SGIP1: variants seen among roughly 807,000 people sequenced by gnomAD.
The protein encoded by SGIP1 is SH3GL interacting endocytic adaptor 1.
A neutral mutation model predicts 107.5 loss-of-function variants in SGIP1; 38 were observed. That is an observed-to-expected ratio of 0.35 (90% CI 0.27 to 0.46). The LOEUF is 0.46. Ranked by LOEUF, SGIP1 falls within the 20% of genes least tolerant of loss-of-function variation. The pLI, the probability that SGIP1 is intolerant of heterozygous loss-of-function variation, is 1.00. For missense variants in SGIP1, 929 were observed against 1,019.5 expected (o/e 0.91, Z 1.21); for synonymous variants, 365 against 366.1 (o/e 1.00, Z 0.03).
chr1:66,561,641 A>G (rs1045190049), intron 1 of SGIP1, among the ~76,000 whole-genome samples: 7 of 152,054 alleles, frequency 4.6e-5, no homozygotes, highest in African/African-American at 1.2e-4. Context: ...TTGCTAAAAC[A>G]TGGTGCTTCT....
At chr1:66,661,400 G>T (rs1253078934) in intron 8 of SGIP1, among the ~76,000 whole-genome samples, 1 of 152,136 alleles carries the variant, frequency 6.6e-6, no homozygotes, top group African/African-American at 2.4e-5. Context: ...ACCAAATCCT[G>T]GCAGCCACTG....
chr1:66,625,741 C>G (rs978588352), intron 1 of SGIP1, 106 bp from the exon 2 acceptor site: 2 of 933,496 alleles, frequency 2.1e-6, no homozygotes, highest in African/African-American at 3.3e-5. Flanking sequence ...TCAGAAACTT[C>G]ATTGCTTTCT....
chr1:66,740,027 G>A (rs1011801320), intron 22 of SGIP1, among the ~76,000 whole-genome samples: 3 of 152,228 alleles, frequency 2.0e-5, no homozygotes, highest in African/African-American at 7.2e-5. Flanking sequence ...AGCTGCAGGA[G>A]AATGGCCTCT....
intron 7 of SGIP1, among the ~76,000 whole-genome samples, chr1:66,645,896 A>G (rs538452714): frequency 6.6e-6 from 1 of 152,256 alleles, no homozygotes; most frequent in South Asian, 2.1e-4. Flanking sequence ...GCTGGAGTGC[A>G]ATGGTATGAT....
chr1:66,694,533 G>T, intron 17 of SGIP1: 1 of 1,533,986 alleles, frequency 6.5e-7, no homozygotes, highest in South Asian at 1.3e-5. Context: ...GATCTCTAGA[G>T]ACCTAGATTC....
intron 18 of SGIP1, among the ~76,000 whole-genome samples, chr1:66,711,381 G>A (rs1006045996): frequency 6.6e-6 from 1 of 152,088 alleles, no homozygotes; most frequent in Admixed American, 6.6e-5. Flanking sequence ...GGGTCACAGG[G>A]TAAGGGTAAA....
At chr1:66,686,664 C>T (rs866084920) in intron 15 of SGIP1, among the ~76,000 whole-genome samples, 6 of 152,154 alleles carry the variant, frequency 3.9e-5, no homozygotes, top group Admixed American at 1.3e-4. Flanking sequence ...TTTGGTCAAG[C>T]AGGGTTTTAA....
rs2094442259 is a variant in SGIP1 at position 66,741,415 on chromosome 1, A to G, written c.2443A>G (p.Ile815Val). The G allele has an allele frequency of 1.9e-6, 3 of 1,585,994 alleles. No homozygotes were observed. Among genetic ancestry groups the G allele is most frequent in the East Asian group, 4.6e-5 (2 of 43,928 alleles). Reference protein sequence around the residue: ...LVGAGYRFSLIKKRFAAGKYL... With the variant: ...LVGAGYRFSLVKKRFAAGKYL... ...TGGAGCAGGGTATCGATTTTCACTCATCAAGAAAAGGTTTGCTGCAGGTAA... is the reference window on the plus strand; with the variant it reads ...TGGAGCAGGGTATCGATTTTCACTCGTCAAGAAAAGGTTTGCTGCAGGTAA... The change falls in exon 24 of 25, where the codon ATC becomes GTC. Residue 815 changes from isoleucine (I) to valine (V), a missense_variant. By Grantham distance (29) the Ile-to-Val change is conservative. Around this residue, in one of 2 missense-constraint regions of SGIP1, gnomAD observed 341 missense variants for 430.9 expected, o/e 0.79. Transcript: ENST00000371037.
At chr1:66,599,574 T>C (rs2148995747) in intron 1 of SGIP1, among the ~76,000 whole-genome samples, 2 of 152,312 alleles carry the variant, frequency 1.3e-5, no homozygotes, top group Non-Finnish European at 2.9e-5. Flanking sequence ...CTCTTCTGAG[T>C]CTGAATGTAC....
chr1:66,644,555 T>C (rs1339144385), intron 7 of SGIP1, among the ~76,000 whole-genome samples: 2 of 121,136 alleles, frequency 1.7e-5, no homozygotes, highest in African/African-American at 6.9e-5. Flanking sequence ...GCATCTTCTT[T>C]AGAGAGATGT....
intron 18 of SGIP1, chr1:66,704,855 A>G (rs1222560045): frequency 6.6e-6 from 1 of 152,210 alleles, no homozygotes; most frequent in Non-Finnish European, 1.5e-5. Context: ...AATCAGCACC[A>G]CATATACTCC....
chr1:66,745,548 G>C lies in SGIP1; in HGVS notation c.*2453G>C, dbSNP rs377638514. 3.3e-5 allele frequency: 5 copies of C among 151,954 alleles called. No individual in the cohort carries two copies. The highest frequency in any genetic ancestry group is 1.2e-4 in the African/African-American group (5 of 41,394). The allele number at this position is 151,954 out of a possible 1,614,324, so 9.4% of individuals were successfully genotyped here. A position where few individuals can be genotyped will look rare whatever the true frequency, so the allele number is the denominator to read the frequency against. On this transcript the variant is annotated 3_prime_UTR_variant, in exon 25 of 25. Transcript: ENST00000371037. ...AATAAGAATTCATGTCCTGAAAATG[G>C]TCCCAGGCAATGAAAGAGTCTCAGT...
chr1:66,735,976 G>T (rs1052876855), intron 21 of SGIP1, among the ~76,000 whole-genome samples: 26 of 150,924 alleles, frequency 1.7e-4, no homozygotes. Context: ...GAAGGAAGTT[G>T]TACTTTAATA....
At chr1:66,586,574 G>A (rs6689138) in intron 1 of SGIP1, among the ~76,000 whole-genome samples, 28,576 of 151,936 alleles carry the variant, frequency 0.19, 3,185 homozygotes, top group African/African-American at 0.31. Flanking sequence ...TTTGAGTAAA[G>A]TATAAAACCT....
At chr1:66,553,473 T>G (rs1216522232) in intron 1 of SGIP1, among the ~76,000 whole-genome samples, 1 of 151,980 alleles carries the variant, frequency 6.6e-6, no homozygotes, top group Non-Finnish European at 1.5e-5. Flanking sequence ...GTCAGAAGTT[T>G]GCGACCAACC....
At chr1:66,630,672 G>A (rs1160238706) in intron 2 of SGIP1, among the ~76,000 whole-genome samples, 1 of 150,622 alleles carries the variant, frequency 6.6e-6, no homozygotes, top group African/African-American at 2.5e-5. Context: ...TGGGCGTGGT[G>A]ATGCATGCCT....
At chr1:66,614,083 C>A (rs1258672917) in intron 1 of SGIP1, among the ~76,000 whole-genome samples, 1 of 152,018 alleles carries the variant, frequency 6.6e-6, no homozygotes, top group African/African-American at 2.4e-5. Flanking sequence ...TCTAATCTTG[C>A]CAGTTGAATA....
rs374021557 is a variant in SGIP1, at chr1:66,743,132, T to C, written c.*37T>C. The C allele has an allele frequency of 3.7e-5, 59 of 1,608,370 alleles. No individual in the cohort carries two copies. The African/African-American group carries it at 7.3e-4, about 20-fold the overall frequency. On this transcript the variant is annotated 3_prime_UTR_variant, in exon 25 of 25. Transcript: ENST00000371037. ...GCAAGGATTTGGAGGATTCATATAATGGAGAACTGATGTATGAGAAACAGA... is the reference window on the plus strand; with the variant it reads ...GCAAGGATTTGGAGGATTCATATAACGGAGAACTGATGTATGAGAAACAGA...
chr1:66,679,227 C>G (rs556481096), intron 13 of SGIP1, among the ~76,000 whole-genome samples: 3 of 152,312 alleles, frequency 2.0e-5, no homozygotes, highest in African/African-American at 7.2e-5. Context: ...AAAAACCCCT[C>G]ACAGGAGCCC....
Sources: gnomAD v4.1 joint callset for allele counts (sites outside exome capture counted in the v4.1 genomes callset) on GRCh38, gnomAD v4.1.1 for gene constraint, gnomAD v4.1.1 regional missense constraint, MANE v1.5 for transcripts, NCBI Gene and HGNC (gene_info 2026-07-23, HGNC 2026-07-21) for gene names.